The following KCNIP4 variants were observed in gnomAD, a reference collection of about 807,000 sequenced individuals.
The protein encoded by KCNIP4 is potassium voltage-gated channel interacting protein 4, also known as Kv channel-interacting protein 4.
Under a neutral mutation model 34.0 loss-of-function variants are expected in KCNIP4, and 12 were observed. The observed-to-expected ratio is 0.35, with a 90% CI of 0.23 to 0.57. The LOEUF (loss-of-function observed/expected upper bound fraction) is 0.57. Ranked by LOEUF, KCNIP4 falls within the 20% of genes least tolerant of loss-of-function variation. The pLI, the probability that KCNIP4 is intolerant of heterozygous loss-of-function variation, is 0.83. For missense variants in KCNIP4, 238 were observed against 311.7 expected (o/e 0.76, Z 1.78); for synonymous variants, 124 against 102.2 (o/e 1.21, Z -1.29).
chr4:21,206,656 A>G (rs1180158958), intron 1 of KCNIP4, among the ~76,000 whole-genome samples: 3 of 152,200 alleles, frequency 2.0e-5, no homozygotes, highest in Non-Finnish European at 4.4e-5. Flanking sequence ...TCTGAACCCC[A>G]GTTGCTTTAT....
At chr4:21,673,545 C>T (rs1749661779) in intron 1 of KCNIP4, among the ~76,000 whole-genome samples, 2 of 151,858 alleles carry the variant, frequency 1.3e-5, no homozygotes, top group Admixed American at 1.3e-4. Flanking sequence ...ATAAACCCTC[C>T]ACTAACATAA....
Position 21,685,806 on chromosome 4 carries a change from G to T in KCNIP4, c.61+262765C>A, listed in dbSNP as rs116734204. Among the ~76,000 whole-genome samples, 1,023 of 152,256 alleles carry T rather than the reference G, an allele frequency of 6.7e-3. 11 individuals carry two copies. The highest frequency in any genetic ancestry group is 0.023 in the African/African-American group (953 of 41,556). On this transcript the variant is annotated intron_variant, in intron 1 of 8. Coordinates refer to ENST00000382152, the MANE Select transcript of KCNIP4 (RefSeq NM_025221.6). ...GTTAAGGACTTGTACCACTTTGAGT[G>T]CAAACAAGTTTCTCAACCTTCTAAG...
intron 1 of KCNIP4, among the ~76,000 whole-genome samples, chr4:21,384,010 G>T (rs1037023745): frequency 6.6e-6 from 1 of 151,984 alleles, no homozygotes; most frequent in Non-Finnish European, 1.5e-5. Flanking sequence ...AGCCACATGG[G>T]CTTCTTGCAG....
Position 21,798,486 on chromosome 4 carries a change from G to C in KCNIP4, c.61+150085C>G, listed in dbSNP as rs115716443. On this transcript the variant is annotated intron_variant, in intron 1 of 8. Coordinates refer to ENST00000382152, the MANE Select transcript of KCNIP4 (RefSeq NM_025221.6). ...GCTACTTGGGAGGCTGAGCACTCCA[G>C]CCTGGGTGAGAAAGCAAGACCCTGG... 2.4e-5 allele frequency among the ~76,000 whole-genome samples: 3 copies of C among 127,564 alleles called. No homozygotes were observed. The East Asian group carries it at 6.8e-4, about 29-fold the overall frequency. The allele number at this position is 127,564 out of a possible 152,430, so 83.7% of individuals were successfully genotyped here. A position where few individuals can be genotyped will look rare whatever the true frequency, so the allele number is the denominator to read the frequency against.
intron 2 of KCNIP4, among the ~76,000 whole-genome samples, chr4:20,853,408 A>G (rs141901338): frequency 1.3e-5 from 2 of 152,274 alleles, no homozygotes; most frequent in Admixed American, 1.3e-4. Context: ...ACCCTTTTCA[A>G]CAAATGGTGC....
chr4:21,299,349 A>G (rs982343707), intron 1 of KCNIP4, among the ~76,000 whole-genome samples: 1 of 152,090 alleles, frequency 6.6e-6, no homozygotes, highest in East Asian at 1.9e-4. Context: ...AGATCCTCTG[A>G]GTGTAATCTC....
At chr4:21,005,423 T>C (rs2149723963) in intron 1 of KCNIP4, among the ~76,000 whole-genome samples, 1 of 152,354 alleles carries the variant, frequency 6.6e-6, no homozygotes. Context: ...TTTTTCCCAC[T>C]TATTGAAGTT....
intron 1 of KCNIP4, among the ~76,000 whole-genome samples, chr4:21,869,771 T>TAGACAGACAGAC (rs1229625346): frequency 1.6e-5 from 2 of 123,160 alleles, no homozygotes; most frequent in African/African-American, 5.4e-5. Flanking sequence ...GATAGATAGA[T>TAGACAGACAGAC]AGATAGATAG....
intron 1 of KCNIP4, among the ~76,000 whole-genome samples, chr4:21,309,929 CGTT>C (rs1560278680): frequency 6.6e-6 from 1 of 152,054 alleles, no homozygotes. Context: ...ATAGAGATCA[CGTT>C]GTGCTGATAC....
intron 1 of KCNIP4, among the ~76,000 whole-genome samples, chr4:21,178,113 C>T (rs540160127): frequency 3.9e-5 from 6 of 152,246 alleles, no homozygotes; most frequent in Admixed American, 3.3e-4. Context: ...GCATAAGGCA[C>T]TATCATTTCT....
intron 2 of KCNIP4, among the ~76,000 whole-genome samples, chr4:20,855,732 G>A (rs1015049306): frequency 2.0e-5 from 3 of 152,104 alleles, no homozygotes; most frequent in African/African-American, 4.8e-5. Flanking sequence ...AGTAATAGGA[G>A]ATGAAAACAA....
At chr4:20,792,225 T>G (rs759724208) in intron 3 of KCNIP4, among the ~76,000 whole-genome samples, 1 of 151,788 alleles carries the variant, frequency 6.6e-6, no homozygotes, top group Non-Finnish European at 1.5e-5. Context: ...AATACAAAAA[T>G]TAGCTGAGTG....
intron 3 of KCNIP4, among the ~76,000 whole-genome samples, chr4:20,804,804 C>A (rs919771289): frequency 2.6e-5 from 4 of 152,146 alleles, no homozygotes; most frequent in Non-Finnish European, 1.5e-5. Context: ...ACGGAAACAA[C>A]TGGATCAAAA....
chr4:21,074,159 G>A (rs1174420718), intron 1 of KCNIP4, among the ~76,000 whole-genome samples: 4 of 152,204 alleles, frequency 2.6e-5, no homozygotes, highest in Admixed American at 2.0e-4. Flanking sequence ...CATAAAATGA[G>A]TTAGGGAGGA....
intron 1 of KCNIP4, among the ~76,000 whole-genome samples, chr4:21,056,148 C>T (rs192758738): frequency 4.5e-4 from 69 of 152,200 alleles, no homozygotes; most frequent in East Asian, 9.7e-4. Context: ...AAAGACAAAA[C>T]GTACATTTGT....
intron 1 of KCNIP4, among the ~76,000 whole-genome samples, chr4:21,589,247 CATA>C (rs1741953757): frequency 1.2e-5 from 1 of 85,786 alleles, no homozygotes; most frequent in Admixed American, 1.2e-4. Context: ...TACATATATA[CATA>C]TATGTATCTA....
At chr4:21,365,513 A>T (rs1292542366) in intron 1 of KCNIP4, among the ~76,000 whole-genome samples, 5 of 98,444 alleles carry the variant, frequency 5.1e-5, no homozygotes, top group Non-Finnish European at 8.5e-5. Flanking sequence ...AAATAAATAA[A>T]TAAATAAATA....
At chr4:21,365,690 C>T (rs1719702057) in intron 1 of KCNIP4, among the ~76,000 whole-genome samples, 1 of 151,860 alleles carries the variant, frequency 6.6e-6, no homozygotes. Context: ...TATTCTGTTC[C>T]CGTTGTTGTT....
chr4:21,112,209 C>T (rs184284313), intron 1 of KCNIP4, among the ~76,000 whole-genome samples: 1 of 152,144 alleles, frequency 6.6e-6, no homozygotes, highest in African/African-American at 2.4e-5. Flanking sequence ...AGGAAAAATG[C>T]AGCAACTTGA....
Sources: gnomAD v4.1 joint callset for allele counts (sites outside exome capture counted in the v4.1 genomes callset) on GRCh38, gnomAD v4.1.1 for gene constraint, MANE v1.5 for transcripts, NCBI Gene and HGNC (gene_info 2026-07-23, HGNC 2026-07-21) for gene names.